PALM2AKAP2: variants seen among roughly 807,000 people sequenced by gnomAD.
PALM2AKAP2 encodes PALM2 and AKAP2 fusion, also known as PALM2-AKAP2 fusion protein.
A neutral mutation model predicts 71.5 loss-of-function variants in PALM2AKAP2; 37 were observed. That is an observed-to-expected ratio of 0.52 (90% CI 0.40 to 0.68). PALM2AKAP2 has a LOEUF of 0.68. Ranked by LOEUF, PALM2AKAP2 falls within the 30% of genes least tolerant of loss-of-function variation. The pLI, the probability that PALM2AKAP2 is intolerant of heterozygous loss-of-function variation, is 0.00. For missense variants in PALM2AKAP2, 1,224 were observed against 1,191.8 expected (o/e 1.03, Z -0.40); for synonymous variants, 468 against 478.8 (o/e 0.98, Z 0.29).
At chr9:110,104,045 C>T (rs1471264107) in intron 1 of PALM2AKAP2, among the ~76,000 whole-genome samples, 2 of 152,146 alleles carry the variant, frequency 1.3e-5, no homozygotes, top group Non-Finnish European at 2.9e-5. Context: ...CCTCCAGGAA[C>T]AGTGGAATCT....
intron 1 of PALM2AKAP2, among the ~76,000 whole-genome samples, chr9:109,748,236 C>G (rs1249012485): frequency 6.6e-6 from 1 of 152,012 alleles, no homozygotes; most frequent in Non-Finnish European, 1.5e-5. Context: ...GAATATGATC[C>G]ATGGCAAATG....
intron 1 of PALM2AKAP2, among the ~76,000 whole-genome samples, chr9:109,679,272 C>A (rs1457149907): frequency 4.6e-5 from 7 of 152,098 alleles, no homozygotes; most frequent in Non-Finnish European, 7.3e-5. Flanking sequence ...GTGAGAAGAG[C>A]AAAGATTTAC....
At chr9:110,135,164 A>AAAAAT in intron 1 of PALM2AKAP2, among the ~76,000 whole-genome samples, 4 of 51,742 alleles carry the variant, frequency 7.7e-5, no homozygotes, top group Non-Finnish European at 1.1e-4. Context: ...AAAAAAAAAA[A>AAAAAT]ATATATAAAT....
chr9:109,739,061 G>C (rs528002744), intron 1 of PALM2AKAP2, among the ~76,000 whole-genome samples: 1 of 152,124 alleles, frequency 6.6e-6, no homozygotes, highest in Non-Finnish European at 1.5e-5. Context: ...TACCTCATTT[G>C]GTTCTCACAA....
At chr9:109,975,107 A>G (rs892850744) in intron 6 of PALM2AKAP2, among the ~76,000 whole-genome samples, 26 of 152,328 alleles carry the variant, frequency 1.7e-4, no homozygotes, top group African/African-American at 5.8e-4. Flanking sequence ...AGGATTCTTA[A>G]GAAAAGCAGA....
chr9:109,722,200 A>G (rs909310000), intron 1 of PALM2AKAP2, among the ~76,000 whole-genome samples: 1 of 152,250 alleles, frequency 6.6e-6, no homozygotes, highest in African/African-American at 2.4e-5. Context: ...GCTGTTAAAA[A>G]GGAAATTATT....
chr9:110,079,882 C>G (rs1183442032), intron 1 of PALM2AKAP2, among the ~76,000 whole-genome samples: 3 of 151,910 alleles, frequency 2.0e-5, no homozygotes, highest in Admixed American at 2.0e-4. Context: ...CCAGCCTGGC[C>G]AAGCTGGTGA....
chr9:109,974,044 C>T (rs1832122412), intron 6 of PALM2AKAP2, among the ~76,000 whole-genome samples: 1 of 152,176 alleles, frequency 6.6e-6, no homozygotes, highest in Admixed American at 6.5e-5. Context: ...AGACAGGACA[C>T]ATGTAAAGTA....
In PALM2AKAP2 at chr9:110,125,549, A is replaced by G. The variant is rs1172232839; in HGVS notation, c.157-10578A>G. 5.1e-6 allele frequency: 5 copies of G among 985,404 alleles called. No homozygotes were observed. The East Asian group carries it at 4.5e-4, about 89-fold the overall frequency. 61.0% of individuals were successfully genotyped at this position (985,404 alleles called of 1,614,324 possible). On this transcript the variant is annotated intron_variant, in intron 1 of 3. Transcript: ENST00000374525. ...GGGTGCACGCAGGAATCTGTCTGGAAAAAGGCAGTTCTCACTGAGGAGGTT... is the reference window on the plus strand; with the variant it reads ...GGGTGCACGCAGGAATCTGTCTGGAGAAAGGCAGTTCTCACTGAGGAGGTT...
intron 6 of PALM2AKAP2, among the ~76,000 whole-genome samples, chr9:109,981,629 G>A (rs973661506): frequency 5.9e-5 from 9 of 152,244 alleles, no homozygotes; most frequent in Non-Finnish European, 1.5e-5. Context: ...TGCTGAGAGG[G>A]AGGTTTTGTT....
At chr9:109,891,309 G>C (rs1166047016) in intron 3 of PALM2AKAP2, among the ~76,000 whole-genome samples, 2 of 152,188 alleles carry the variant, frequency 1.3e-5, no homozygotes, top group East Asian at 3.8e-4. Flanking sequence ...ACAACATTCT[G>C]TACAAGCATG....
chr9:109,968,083 A>G (rs2132141348), intron 6 of PALM2AKAP2, among the ~76,000 whole-genome samples: 1 of 152,346 alleles, frequency 6.6e-6, no homozygotes, highest in Admixed American at 6.5e-5. Flanking sequence ...GAATGAATGA[A>G]TGAATGGTAA....
rs530914068 is a variant in PALM2AKAP2, at chr9:109,690,093, G to C, written c.5+49227G>C. On this transcript the variant is annotated intron_variant, in intron 1 of 6. Coordinates refer to the PALM2AKAP2 transcript ENST00000374531. ...GAGTGGTTTTCCCCCTGCCGGAGGG[G>C]ATCAGTGGGTCAGCAGGGCTGTCCC... Among the ~76,000 whole-genome samples the C allele has an allele frequency of 7.9e-5, 12 of 152,200 alleles. No homozygotes were observed. The South Asian group carries it at 2.3e-3, about 29-fold the overall frequency.
chr9:110,128,160 G>A (rs961382027), intron 1 of PALM2AKAP2: 1 of 152,348 alleles, frequency 6.6e-6, no homozygotes, highest in East Asian at 1.9e-4. Flanking sequence ...GCATCTTTTA[G>A]GTTTCTGGGC....
At chr9:110,019,870 A>T (rs538897969) in intron 7 of PALM2AKAP2, among the ~76,000 whole-genome samples, 1 of 152,352 alleles carries the variant, frequency 6.6e-6, no homozygotes, top group Non-Finnish European at 1.5e-5. Context: ...TGGGTTCAGT[A>T]GAAGTCCAAA....
chr9:110,077,112 C>T (rs562421442), intron 1 of PALM2AKAP2, among the ~76,000 whole-genome samples: 22 of 152,276 alleles, frequency 1.4e-4, no homozygotes, highest in African/African-American at 4.8e-4. Flanking sequence ...ATAGCATAAG[C>T]TCTGGAGCCT....
Position 110,091,684 on chromosome 9 carries a change from G to A in PALM2AKAP2, c.156+42829G>A, listed in dbSNP as rs546277471. ...TCACCGTGTTAGCCAGGATGGTCTTGATCTCCTGACCTCATGATCTGCCCG... is the reference window on the plus strand; with the variant it reads ...TCACCGTGTTAGCCAGGATGGTCTTAATCTCCTGACCTCATGATCTGCCCG... On this transcript the variant is annotated intron_variant, in intron 1 of 3. Transcript: ENST00000374525. Among the ~76,000 whole-genome samples, 10 of 152,074 alleles carry A rather than the reference G, an allele frequency of 6.6e-5. 1 individual carries two copies. The South Asian group carries it at 2.1e-3, about 32-fold the overall frequency.
At position 109,759,582 on chromosome 9, in the gene PALM2AKAP2, AAAC is replaced by A. The variant is rs562611462; in HGVS notation, c.6-20892_6-20890del. 1.6e-4 allele frequency among the ~76,000 whole-genome samples: 24 copies of A among 152,246 alleles called. No homozygotes were observed. The Middle Eastern group carries it at 0.01, about 65-fold the overall frequency. On this transcript the variant is annotated intron_variant, in intron 1 of 6. Coordinates refer to the PALM2AKAP2 transcript ENST00000374531. ...TATTGGTGACAGTAGAGAAGCAAAC[AAAC>A]AACAACAACAACAGCAACAACAACA... is the stretch of plus-strand genomic sequence containing the variant.
At chr9:110,159,096 CT>C (rs1410945084) in intron 3 of PALM2AKAP2, among the ~76,000 whole-genome samples, 4 of 151,924 alleles carry the variant, frequency 2.6e-5, no homozygotes, top group Non-Finnish European at 5.9e-5. Flanking sequence ...TCCATTTTTT[CT>C]TTTTCTTTAA....
Sources: gnomAD v4.1 joint callset for allele counts (sites outside exome capture counted in the v4.1 genomes callset) on GRCh38, gnomAD v4.1.1 for gene constraint, MANE v1.5 for transcripts, NCBI Gene and HGNC (gene_info 2026-07-23, HGNC 2026-07-21) for gene names.